The following TRMT9B variants were observed in gnomAD, a reference collection of about 807,000 sequenced individuals.
TRMT9B encodes the protein probable tRNA methyltransferase 9B.
A neutral mutation model predicts 11.5 loss-of-function variants in TRMT9B; 16 were observed. The ratio of observed to expected loss-of-function variants is 1.39; its 90% CI spans 0.94 to 2.11. The LOEUF (loss-of-function observed/expected upper bound fraction) is 2.11. Among genes scored for constraint, TRMT9B ranks in the 30% most tolerant of loss-of-function variants. TRMT9B has a pLI of 0.00. For synonymous variants in TRMT9B, 274 were observed against 192.4 expected (o/e 1.42, Z -3.51); for missense variants, 941 against 553.8 (o/e 1.70, Z -7.02).
chr8:13,012,065 A>C (rs1039148296), intron 3 of TRMT9B: 9 of 985,386 alleles, frequency 9.1e-6, no homozygotes, highest in Non-Finnish European at 9.6e-6. Context: ...GGATACTAGA[A>C]CTATCTTTCT....
At chr8:12,959,192 C>G (rs1007919812) in intron 1 of TRMT9B, among the ~76,000 whole-genome samples, 1 of 152,156 alleles carries the variant, frequency 6.6e-6, no homozygotes, top group Non-Finnish European at 1.5e-5. Context: ...AACAACTACA[C>G]CTTGGGCATC....
In TRMT9B at chr8:13,029,571, A is replaced by G. The variant is rs971784461; in HGVS notation, c.*7527A>G. ...TTTGCTTTTCTTCACCATTCTGTAC[A>G]GGACAAGCATTATTCAGTTCACATA... On this transcript the variant is annotated 3_prime_UTR_variant, in exon 5 of 5. Transcript: ENST00000524591. 1.2e-5 allele frequency: 2 copies of G among 166,388 alleles called. No individual in the cohort carries two copies. Among genetic ancestry groups the G allele is most frequent in the Non-Finnish European group, 2.9e-5 (2 of 68,118 alleles). 10.3% of individuals were successfully genotyped at this position (166,388 alleles called of 1,614,324 possible). A position where few individuals can be genotyped will look rare whatever the true frequency, so the allele number is the denominator to read the frequency against.
intron 1 of TRMT9B, among the ~76,000 whole-genome samples, chr8:12,961,382 T>G (rs1394906599): frequency 6.6e-6 from 1 of 152,002 alleles, no homozygotes; most frequent in East Asian, 1.9e-4. Context: ...AATACCTCAC[T>G]TGATGCTAGC....
At position 12,973,892 on chromosome 8, in the gene TRMT9B, G is replaced by T. The variant is rs1292074386; in HGVS notation, c.-199-16942G>T. On this transcript the variant is annotated intron_variant, in intron 1 of 4. Transcript: ENST00000524591. Reference sequence around the variant, plus strand: ...AAGAACATTTTGGCCATATGCGGTGGCTCATACCTGTAATCCTAGTACTTT... The same window carrying T: ...AAGAACATTTTGGCCATATGCGGTGTCTCATACCTGTAATCCTAGTACTTT... Among the ~76,000 whole-genome samples, 3 of 152,152 alleles carry T rather than the reference G, an allele frequency of 2.0e-5. No homozygotes were observed. In the East Asian group the frequency reaches 5.8e-4, roughly 29 times the overall value.
At chr8:12,969,716 G>A (rs911341870) in intron 1 of TRMT9B, among the ~76,000 whole-genome samples, 1 of 151,742 alleles carries the variant, frequency 6.6e-6, no homozygotes. Context: ...GCAGGCTGGA[G>A]TGTAGAGTGC....
intron 2 of TRMT9B, among the ~76,000 whole-genome samples, chr8:13,004,770 G>A (rs1810113144): frequency 6.6e-6 from 1 of 152,080 alleles, no homozygotes; most frequent in Non-Finnish European, 1.5e-5. Flanking sequence ...CAACACTCCT[G>A]CTTAAGAAAA....
chr8:13,009,181 A>T (rs1445854272), intron 3 of TRMT9B, among the ~76,000 whole-genome samples: 1 of 152,154 alleles, frequency 6.6e-6, no homozygotes, highest in Non-Finnish European at 1.5e-5. Context: ...GATCTCACTT[A>T]TACATGGGAT....
chr8:12,968,458 G>A (rs1803129727), intron 1 of TRMT9B, among the ~76,000 whole-genome samples: 1 of 152,266 alleles, frequency 6.6e-6, no homozygotes, highest in African/African-American at 2.4e-5. Flanking sequence ...GCAATTTCTG[G>A]TATATTTGTT....
intron 3 of TRMT9B, chr8:13,011,351 G>C (rs151028925): frequency 1.0e-6 from 1 of 985,128 alleles, no homozygotes; most frequent in Non-Finnish European, 1.2e-6. Flanking sequence ...TCTTAAGTTT[G>C]CTTTTACTGT....
At chr8:12,961,464 G>A (rs1235296545) in intron 1 of TRMT9B, among the ~76,000 whole-genome samples, 1 of 152,024 alleles carries the variant, frequency 6.6e-6, no homozygotes, top group Non-Finnish European at 1.5e-5. Context: ...CACTTTGGGA[G>A]GCCGAGGTGG....
At chr8:12,968,111 C>T (rs1288202045) in intron 1 of TRMT9B, among the ~76,000 whole-genome samples, 4 of 152,226 alleles carry the variant, frequency 2.6e-5, no homozygotes, top group Non-Finnish European at 5.9e-5. Context: ...TCTCAAACTC[C>T]TGGGCTTAAG....
intron 1 of TRMT9B, among the ~76,000 whole-genome samples, chr8:12,959,459 G>C (rs1801755391): frequency 6.8e-6 from 1 of 146,716 alleles, no homozygotes; most frequent in Non-Finnish European, 1.5e-5. Context: ...AACACTTCTG[G>C]TCCCAAGCAT....
chr8:12,993,067 G>C (rs1028065098), intron 2 of TRMT9B, among the ~76,000 whole-genome samples: 2 of 152,156 alleles, frequency 1.3e-5, no homozygotes, highest in African/African-American at 4.8e-5. Context: ...AAGGTCCTGA[G>C]CAAGTCCCTC....
chr8:12,950,832 T>C (rs191444468), intron 1 of TRMT9B, among the ~76,000 whole-genome samples: 27 of 152,262 alleles, frequency 1.8e-4, no homozygotes, highest in African/African-American at 4.3e-4. Flanking sequence ...AGACCTGTAG[T>C]TGGGTCCCCA....
In TRMT9B at chr8:13,021,832, A is replaced by G; in HGVS notation, c.1153A>G (p.Thr385Ala). 1 of 1,613,722 alleles carries G rather than the reference A, an allele frequency of 6.2e-7. No individual in the cohort carries two copies. The highest frequency in any genetic ancestry group is 8.5e-7 in the Non-Finnish European group (1 of 1,179,738). The change falls in exon 5 of 5, where the codon ACA (threonine) becomes GCA (alanine). Residue 385 changes from threonine (T) to alanine (A), a missense_variant. Transcript: ENST00000524591. ...GAGAAGGATTTCTGCAGTTGATTCCACAGATTTCAACCCAGATGATACAAT... is the reference window on the plus strand; with the variant it reads ...GAGAAGGATTTCTGCAGTTGATTCCGCAGATTTCAACCCAGATGATACAAT... Reference protein sequence around the residue: ...ILRRISAVDSTDFNPDDTMSV... With the variant: ...ILRRISAVDSADFNPDDTMSV...
intron 1 of TRMT9B, among the ~76,000 whole-genome samples, chr8:12,959,595 T>A (rs1449822991): frequency 2.2e-5 from 3 of 138,178 alleles, no homozygotes; most frequent in Non-Finnish European, 4.6e-5. Context: ...TCATGGCTCA[T>A]TGGAACCTCA....
chr8:13,015,492 C>T (rs1812476158), intron 4 of TRMT9B, among the ~76,000 whole-genome samples: 1 of 152,122 alleles, frequency 6.6e-6, no homozygotes, highest in African/African-American at 2.4e-5. Context: ...GCTGGGACTA[C>T]AAGCACACAT....
chr8:12,971,074 T>A (rs1803549559), intron 1 of TRMT9B, among the ~76,000 whole-genome samples: 1 of 152,236 alleles, frequency 6.6e-6, no homozygotes, highest in African/African-American at 2.4e-5. Flanking sequence ...ATGATTAATC[T>A]GAGTAATTTG....
At chr8:12,959,505 C>A (rs1319730715) in intron 1 of TRMT9B, among the ~76,000 whole-genome samples, 1 of 122,428 alleles carries the variant, frequency 8.2e-6, no homozygotes, top group African/African-American at 2.9e-5. Context: ...CTCTCCTTTC[C>A]TTTTTCCTTC....
Sources: gnomAD v4.1 joint callset for allele counts (sites outside exome capture counted in the v4.1 genomes callset) on GRCh38, gnomAD v4.1.1 for gene constraint, MANE v1.5 for transcripts, NCBI Gene and HGNC (gene_info 2026-07-23, HGNC 2026-07-21) for gene names.